Variants in ATP2B2 observed in about 807,000 individuals in gnomAD.
ATP2B2 encodes ATPase plasma membrane Ca2+ transporting 2.
ATP2B2 carries 15 observed loss-of-function variants against 120.0 expected under a neutral mutation model. That is an observed-to-expected ratio of 0.12 (90% CI 0.08 to 0.19). The LOEUF (loss-of-function observed/expected upper bound fraction) is 0.19. ATP2B2 is among the 10% of genes least tolerant of loss of function. The pLI, the probability that ATP2B2 is intolerant of heterozygous loss-of-function variation, is 1.00. For synonymous variants in ATP2B2, 694 were observed against 700.3 expected, an observed-to-expected ratio of 0.99 and a Z score of 0.14; for missense variants, 1,045 against 1,719.8, an observed-to-expected ratio of 0.61 and a Z score of 6.94.
chr3:10,410,267 A>G (rs1194237097), intron 3 of ATP2B2, among the ~76,000 whole-genome samples: 2 of 152,200 alleles, frequency 1.3e-5, no homozygotes, highest in Admixed American at 6.5e-5. Context: ...GTATATACTG[A>G]ACCCAGGGTT....
chr3:10,605,955 A>AT (rs967252461), intron 2 of ATP2B2, among the ~76,000 whole-genome samples: 6 of 151,060 alleles, frequency 4.0e-5, no homozygotes, highest in East Asian at 1.9e-4. Context: ...AGCCCTCTAC[A>AT]TTTTTTTTTA....
intron 22 of ATP2B2, among the ~76,000 whole-genome samples, chr3:10,337,214 G>A (rs2060141879): frequency 2.0e-5 from 3 of 152,210 alleles, no homozygotes; most frequent in Admixed American, 2.0e-4. Flanking sequence ...TTTGGGACAG[G>A]GTACAGAGGG....
intron 2 of ATP2B2, among the ~76,000 whole-genome samples, chr3:10,585,028 C>G (rs2068474355): frequency 6.6e-6 from 1 of 152,148 alleles, no homozygotes; most frequent in South Asian, 2.1e-4. Flanking sequence ...TCCTCCCCTG[C>G]CACACCCAGG....
chr3:10,517,102 T>C (rs74501630), intron 3 of ATP2B2, among the ~76,000 whole-genome samples: 3,834 of 152,324 alleles, frequency 0.025, 112 homozygotes, highest in East Asian at 0.14. Context: ...TGCTTCTACC[T>C]ATCTGAGGAG....
chr3:10,398,983 G>T (rs1350509154), intron 5 of ATP2B2, among the ~76,000 whole-genome samples: 1 of 152,072 alleles, frequency 6.6e-6, no homozygotes, highest in South Asian at 2.1e-4. Flanking sequence ...TCTTTTCCAG[G>T]GTCTCTCTGC....
chr3:10,406,576 C>T (rs2062419408), intron 3 of ATP2B2, among the ~76,000 whole-genome samples: 1 of 152,242 alleles, frequency 6.6e-6, no homozygotes, highest in Non-Finnish European at 1.5e-5. Context: ...GAGCAACGGG[C>T]TGCACCATAC....
Position 10,329,147 on chromosome 3 carries a change from C to G in ATP2B2, c.3421-22G>C. 6.2e-7 allele frequency: 1 copy of G among 1,605,776 alleles called. No individual in the cohort carries two copies. Among genetic ancestry groups the G allele is most frequent in the Non-Finnish European group, 8.5e-7 (1 of 1,178,310 alleles). On this transcript the variant is annotated intron_variant, in intron 22 of 22. Transcript: ENST00000360273. The surrounding 1 kb of genome is among the most constrained non-coding windows in gnomAD (Gnocchi z 5.9). The stretch of plus-strand genomic sequence containing the variant: ...GGATCTGCAAGGGAAGCACAGGGGT[C>G]AGGAGCACTGCCCAGGGACCACAGC...
chr3:10,685,540 G>A (rs1163257449), intron 1 of ATP2B2, among the ~76,000 whole-genome samples: 1 of 152,202 alleles, frequency 6.6e-6, no homozygotes, highest in Non-Finnish European at 1.5e-5. Context: ...GTGTGTGTGT[G>A]TGCACGTATA....
Position 10,449,387 on chromosome 3 carries a change from T to G in ATP2B2, c.157A>C (p.Thr53Pro), listed in dbSNP as rs1367491508. ...TTGAGGCGCCGGCAGATGGCTTCGG[T>G]GTCCCCATAAGTCTCCTTGATCTTG... ...VVKIKETYGD[T>P]EAICRRLKTS... The change falls in exon 2 of 23, where the codon ACC becomes CCC. Residue 53 changes from threonine (T) to proline (P), a missense_variant. This residue lies in a region of ATP2B2 where 139 missense variants were observed against 134.2 expected (regional missense o/e 1.04). Transcript: ENST00000360273. 1 of 1,614,236 alleles carries G rather than the reference T, an allele frequency of 6.2e-7. No homozygotes were observed. Among genetic ancestry groups the G allele is most frequent in the African/African-American group, 1.3e-5 (1 of 75,058 alleles).
chr3:10,642,691 A>G (rs914817516), intron 1 of ATP2B2, among the ~76,000 whole-genome samples: 11 of 152,048 alleles, frequency 7.2e-5, no homozygotes, highest in African/African-American at 2.7e-4. Flanking sequence ...TTAGCTAAAA[A>G]AAAAAAAAAG....
At chr3:10,548,975 G>T (rs991118154) in intron 2 of ATP2B2, among the ~76,000 whole-genome samples, 5 of 152,178 alleles carry the variant, frequency 3.3e-5, no homozygotes, top group African/African-American at 1.2e-4. Context: ...TAAATGACCA[G>T]GTCCATTCAT....
intron 6 of ATP2B2, chr3:10,388,068 G>T: frequency 1.5e-6 from 1 of 647,540 alleles, no homozygotes; most frequent in Non-Finnish European, 2.7e-6. Context: ...GACATGATTG[G>T]ACAAGACAGA....
intron 2 of ATP2B2, among the ~76,000 whole-genome samples, chr3:10,610,424 T>C (rs7634392): frequency 0.084 from 12,811 of 152,098 alleles, 590 homozygotes; most frequent in African/African-American, 0.13. Context: ...CAGGATGTCA[T>C]GCCTTCGAGG....
At chr3:10,489,101 T>C (rs901537514) in intron 1 of ATP2B2, among the ~76,000 whole-genome samples, 4 of 152,182 alleles carry the variant, frequency 2.6e-5, no homozygotes, top group African/African-American at 9.6e-5. Context: ...GCACTGGCCA[T>C]TCCTTAGTCT....
At chr3:10,559,261 C>T (rs548487683) in intron 2 of ATP2B2, among the ~76,000 whole-genome samples, 4 of 151,780 alleles carry the variant, frequency 2.6e-5, no homozygotes, top group Admixed American at 1.3e-4. Context: ...ATGTAGTGGG[C>T]GGGGAGGATG....
rs764417884 is a variant in ATP2B2, at chr3:10,402,341, C to T, written c.405G>A (p.Ala135=). The T allele has an allele frequency of 1.1e-5, 17 of 1,613,278 alleles. No homozygotes were observed. Among genetic ancestry groups the T allele is most frequent in the East Asian group, 4.5e-5 (2 of 44,898 alleles). Residue 135 remains alanine (A), a synonymous_variant, in exon 4 of 23, where the codon GCG becomes GCA. Transcript: ENST00000360273. The surrounding 1 kb of genome is among the most constrained non-coding windows in gnomAD (Gnocchi z 4.9). The stretch of plus-strand genomic sequence containing the variant: ...CATCCTCTGCCCCACCCTGGGCCGT[C>T]GCACATCCTGAAAGACCAGATAGAA... The part of the protein sequence containing the change: ...HPPGEGNEGC[A]TAQGGAEDEG...
intron 1 of ATP2B2, among the ~76,000 whole-genome samples, chr3:10,639,523 G>A (rs542281479): frequency 6.6e-6 from 1 of 152,112 alleles, no homozygotes; most frequent in East Asian, 1.9e-4. Context: ...CCTATCATGA[G>A]GGCTTCTCCC....
intron 2 of ATP2B2, among the ~76,000 whole-genome samples, chr3:10,601,566 C>G (rs1204120657): frequency 6.6e-6 from 1 of 152,202 alleles, no homozygotes; most frequent in Non-Finnish European, 1.5e-5. Context: ...CAGAAGGTCT[C>G]TAAGACCTGT....
chr3:10,665,543 G>T (rs1234915528), intron 1 of ATP2B2, among the ~76,000 whole-genome samples: 2 of 152,106 alleles, frequency 1.3e-5, no homozygotes, highest in Non-Finnish European at 2.9e-5. Context: ...ATCTGGTTTT[G>T]CCCGTTGTAC....
Sources: gnomAD v4.1 joint callset for allele counts (sites outside exome capture counted in the v4.1 genomes callset) on GRCh38, gnomAD v4.1.1 for gene constraint, gnomAD v4.1.1 regional missense constraint, Gnocchi (gnomAD v3.1) non-coding constraint, MANE v1.5 for transcripts, NCBI Gene and HGNC (gene_info 2026-07-23, HGNC 2026-07-21) for gene names.